The following TDRP variants were observed in gnomAD, a reference collection of about 807,000 sequenced individuals.
The protein encoded by TDRP is testis development related protein.
A neutral mutation model predicts 10.5 loss-of-function variants in TDRP; 12 were observed. That is an observed-to-expected ratio of 1.15 (90% CI 0.73 to 1.86). The LOEUF (loss-of-function observed/expected upper bound fraction) is 1.86, where lower values mean the gene tolerates loss of function less well. TDRP is among the 40% of genes most tolerant of loss of function. The probability of loss-of-function intolerance (pLI) is 0.00; values close to 1 mark genes in which losing one functional copy is unlikely to be tolerated. For missense variants in TDRP, 353 were observed against 229.2 expected (o/e 1.54, Z -3.49); for synonymous variants, 139 against 95.4 (o/e 1.46, Z -2.67).
rs1801608153 is a variant in TDRP, at chr8:511,209, C to G, written c.109-16612G>C. 3.3e-5 allele frequency among the ~76,000 whole-genome samples: 5 copies of G among 152,030 alleles called. No individual in the cohort carries two copies. The South Asian group carries it at 1.0e-3, about 32-fold the overall frequency. On this transcript the variant is annotated intron_variant, in intron 1 of 2. Transcript: ENST00000324079. ...ACTGTCACACTGGATTTTTAAAATA[C>G]AATCCAACTAAATACTGCCTATAGG...
chr8:504,021 A>T (rs1378592871), intron 1 of TDRP, among the ~76,000 whole-genome samples: 2 of 150,056 alleles, frequency 1.3e-5, no homozygotes. Flanking sequence ...ACCTCAGCAC[A>T]CACCAACACG....
intron 1 of TDRP, among the ~76,000 whole-genome samples, chr8:537,473 C>A (rs1055817454): frequency 6.6e-6 from 1 of 152,130 alleles, no homozygotes; most frequent in Non-Finnish European, 1.5e-5. Flanking sequence ...CCTTTTTCTT[C>A]TTTTAGTGTG....
chr8:531,305 G>T (rs1025837573), intron 1 of TDRP, among the ~76,000 whole-genome samples: 1 of 152,138 alleles, frequency 6.6e-6, no homozygotes, highest in African/African-American at 2.4e-5. Flanking sequence ...CAGAGTCCGT[G>T]GGGGAACAAG....
At chr8:504,996 G>C (rs544055269) in intron 1 of TDRP, among the ~76,000 whole-genome samples, 2 of 152,110 alleles carry the variant, frequency 1.3e-5, no homozygotes, top group African/African-American at 4.8e-5. Flanking sequence ...TTTTAACAAA[G>C]TATTTTGATG....
At chr8:506,003 C>T (rs1189320375) in intron 1 of TDRP, among the ~76,000 whole-genome samples, 1 of 152,172 alleles carries the variant, frequency 6.6e-6, no homozygotes, top group African/African-American at 2.4e-5. Context: ...ATGGACATCA[C>T]TGTGGCCTAA....
At chr8:532,282 T>G (rs79804569) in intron 1 of TDRP, among the ~76,000 whole-genome samples, 5 of 152,150 alleles carry the variant, frequency 3.3e-5, no homozygotes, top group Non-Finnish European at 5.9e-5. Context: ...TGAAGGATGC[T>G]GGGACTTCAG....
chr8:526,191 T>C (rs1654368142), intron 1 of TDRP, among the ~76,000 whole-genome samples: 1 of 152,142 alleles, frequency 6.6e-6, no homozygotes, highest in Admixed American at 6.5e-5. Flanking sequence ...AGAGACAGGG[T>C]TTCGCTAGGT....
At chr8:498,391 T>C (rs955137517) in intron 1 of TDRP, among the ~76,000 whole-genome samples, 3 of 152,196 alleles carry the variant, frequency 2.0e-5, no homozygotes, top group Admixed American at 1.3e-4. Flanking sequence ...ATTTAATGAC[T>C]GCCCTGCTGG....
chr8:499,195 T>G (rs916311326), intron 1 of TDRP, among the ~76,000 whole-genome samples: 3 of 151,804 alleles, frequency 2.0e-5, no homozygotes, highest in East Asian at 3.8e-4. Context: ...GCCAAAAAAA[T>G]AGTCTCTAGT....
At chr8:531,681 T>C (rs1022402138) in intron 1 of TDRP, among the ~76,000 whole-genome samples, 1 of 152,232 alleles carries the variant, frequency 6.6e-6, no homozygotes, top group Non-Finnish European at 1.5e-5. Context: ...ATCAAACAAA[T>C]GTCTGAGTTA....
intron 1 of TDRP, among the ~76,000 whole-genome samples, chr8:533,387 C>G (rs971741929): frequency 1.3e-5 from 2 of 152,154 alleles, no homozygotes; most frequent in African/African-American, 2.4e-5. Context: ...TCCTGACAAC[C>G]CTAGCTCAAA....
At chr8:506,882 G>A (rs1177264134) in intron 1 of TDRP, among the ~76,000 whole-genome samples, 1 of 152,174 alleles carries the variant, frequency 6.6e-6, no homozygotes, top group Non-Finnish European at 1.5e-5. Flanking sequence ...GAGCTCTTAG[G>A]AACACTGGAG....
intron 1 of TDRP, among the ~76,000 whole-genome samples, chr8:499,398 T>G (rs1050518919): frequency 5.9e-5 from 9 of 152,164 alleles, no homozygotes; most frequent in African/African-American, 2.2e-4. Context: ...ACATTTCCAG[T>G]TGTGTGGTCT....
intron 1 of TDRP, among the ~76,000 whole-genome samples, chr8:537,358 C>T (rs1274817138): frequency 4.6e-5 from 7 of 152,262 alleles, no homozygotes; most frequent in Admixed American, 6.5e-5. Flanking sequence ...CCACTGTCCA[C>T]ATCAACTCGG....
chr8:497,605 G>C (rs1801171894), intron 1 of TDRP, among the ~76,000 whole-genome samples: 1 of 152,198 alleles, frequency 6.6e-6, no homozygotes, highest in Admixed American at 6.5e-5. Flanking sequence ...TGGTAGAAAA[G>C]AAAACCCTTT....
At chr8:530,067 T>C (rs1159918289) in intron 1 of TDRP, among the ~76,000 whole-genome samples, 2 of 152,160 alleles carry the variant, frequency 1.3e-5, no homozygotes, top group African/African-American at 4.8e-5. Flanking sequence ...CATTTTTTTT[T>C]TCTGATTTGA....
chr8:517,163 C>T (rs896554406), intron 1 of TDRP, among the ~76,000 whole-genome samples: 1 of 152,190 alleles, frequency 6.6e-6, no homozygotes, highest in East Asian at 1.9e-4. Flanking sequence ...TTAAGACTGA[C>T]AGAAGGGACT....
chr8:537,905 C>T (rs1802388593), intron 1 of TDRP, among the ~76,000 whole-genome samples: 1 of 152,206 alleles, frequency 6.6e-6, no homozygotes, highest in South Asian at 2.1e-4. Context: ...TTCATCTTCA[C>T]AATCTGTGCC....
At chr8:536,885 G>A (rs1398577867) in intron 1 of TDRP, among the ~76,000 whole-genome samples, 1 of 152,078 alleles carries the variant, frequency 6.6e-6, no homozygotes, top group Non-Finnish European at 1.5e-5. Context: ...GACCCTTCCT[G>A]CTTCCTCTCA....
Sources: gnomAD v4.1 joint callset for allele counts (sites outside exome capture counted in the v4.1 genomes callset) on GRCh38, gnomAD v4.1.1 for gene constraint, MANE v1.5 for transcripts, NCBI Gene and HGNC (gene_info 2026-07-23, HGNC 2026-07-21) for gene names.